Variants in MEIKIN observed in about 807,000 individuals in gnomAD.
The protein encoded by MEIKIN is meiotic kinetochore factor.
chr5:131,836,809 C>G (rs1749817410), intron 11 of MEIKIN, among the ~76,000 whole-genome samples: 1 of 151,666 alleles, frequency 6.6e-6, no homozygotes, highest in Admixed American at 6.6e-5. Flanking sequence ...TTGTTAGATG[C>G]ATAGTTTGGG....
intron 2 of MEIKIN, 144 bp from the exon 3 acceptor site, chr5:131,944,896 C>T (rs1401113883): frequency 2.5e-6 from 1 of 397,954 alleles, no homozygotes; most frequent in Non-Finnish European, 4.4e-6. Flanking sequence ...CACCAAAACC[C>T]AAATGCAGTG....
chr5:131,812,931 A>G (rs1233729394), intron 12 of MEIKIN, among the ~76,000 whole-genome samples: 1 of 152,250 alleles, frequency 6.6e-6, no homozygotes, highest in Non-Finnish European at 1.5e-5. Flanking sequence ...AGTAGCAACT[A>G]AGCACTTAAT....
At chr5:131,884,887 TGGCAGTATTCCCCATG>T (rs1750752385) in intron 8 of MEIKIN, among the ~76,000 whole-genome samples, 1 of 152,098 alleles carries the variant, frequency 6.6e-6, no homozygotes, top group Non-Finnish European at 1.5e-5. Context: ...GTGGGTACCC[TGGCAGTATTCCCCATG>T]GGCCTGTGGT....
At chr5:131,874,386 G>C (rs535503119) in intron 9 of MEIKIN, among the ~76,000 whole-genome samples, 113 of 152,316 alleles carry the variant, frequency 7.4e-4, no homozygotes, top group Middle Eastern at 3.4e-3. Context: ...AAATAAACTA[G>C]AAAATCTAGA....
chr5:131,941,660 T>C (rs1398396112), intron 4 of MEIKIN, among the ~76,000 whole-genome samples: 1 of 152,222 alleles, frequency 6.6e-6, no homozygotes, highest in Non-Finnish European at 1.5e-5. Context: ...TATACCAATA[T>C]GTAGATGGCT....
At chr5:131,904,154 C>A (rs190180067) in intron 8 of MEIKIN, among the ~76,000 whole-genome samples, 24 of 152,208 alleles carry the variant, frequency 1.6e-4, no homozygotes, top group Non-Finnish European at 2.6e-4. Flanking sequence ...AACACAGGAG[C>A]ACCCAGATTC....
intron 8 of MEIKIN, among the ~76,000 whole-genome samples, chr5:131,885,267 C>G (rs1409628378): frequency 6.6e-6 from 1 of 151,694 alleles, no homozygotes; most frequent in Non-Finnish European, 1.5e-5. Flanking sequence ...CAAGCACAGT[C>G]CCAGTATTGG....
At chr5:131,831,723 T>G (rs1299935932) in intron 11 of MEIKIN, among the ~76,000 whole-genome samples, 4 of 152,148 alleles carry the variant, frequency 2.6e-5, no homozygotes, top group Non-Finnish European at 5.9e-5. Context: ...TTAACTGGAC[T>G]TACAGTGCCA....
chr5:131,942,611 G>A (rs1363404528), intron 4 of MEIKIN, 24 bp downstream of exon 4: 3 of 398,090 alleles, frequency 7.5e-6, no homozygotes, highest in South Asian at 1.3e-4. Context: ...GAAAGCTGAG[G>A]GAGTTCACAT....
intron 10 of MEIKIN, among the ~76,000 whole-genome samples, chr5:131,852,778 T>C (rs1480311290): frequency 1.3e-5 from 2 of 152,196 alleles, no homozygotes; most frequent in Admixed American, 1.3e-4. Context: ...CTGAATTATA[T>C]ACTTTAGTAT....
intron 11 of MEIKIN, among the ~76,000 whole-genome samples, chr5:131,836,340 C>T (rs1749806959): frequency 6.6e-6 from 1 of 152,244 alleles, no homozygotes; most frequent in East Asian, 1.9e-4. Flanking sequence ...CTATTGTGAA[C>T]AGTGCTGCAA....
chr5:131,835,885 G>C (rs1749797577), intron 11 of MEIKIN, among the ~76,000 whole-genome samples: 1 of 152,164 alleles, frequency 6.6e-6, no homozygotes. Flanking sequence ...GAGCCACCAT[G>C]CCCAGCCATG....
intron 4 of MEIKIN, among the ~76,000 whole-genome samples, chr5:131,941,708 C>T (rs779054384): frequency 6.6e-6 from 1 of 152,196 alleles, no homozygotes; most frequent in Non-Finnish European, 1.5e-5. Context: ...ATCCAACTAT[C>T]TGGTTGATAT....
chr5:131,913,768 A>C (rs1157098963), intron 7 of MEIKIN, among the ~76,000 whole-genome samples: 1 of 152,148 alleles, frequency 6.6e-6, no homozygotes, highest in Non-Finnish European at 1.5e-5. Context: ...CACTGTCCAA[A>C]CTCTAAGACA....
At chr5:131,944,503 T>G in intron 3 of MEIKIN, 162 bp downstream of exon 3, 1 of 393,004 alleles carries the variant, frequency 2.5e-6, no homozygotes, top group Non-Finnish European at 4.5e-6. Context: ...AGTCAGAAAT[T>G]CAAGGCCCTG....
chr5:131,853,742 A>G (rs1004220130), intron 10 of MEIKIN, among the ~76,000 whole-genome samples: 1 of 152,224 alleles, frequency 6.6e-6, no homozygotes, highest in Non-Finnish European at 1.5e-5. Context: ...AACACATTAA[A>G]AGATGCTCAG....
intron 8 of MEIKIN, among the ~76,000 whole-genome samples, chr5:131,885,518 G>C (rs1296264730): frequency 6.6e-6 from 1 of 152,130 alleles, no homozygotes; most frequent in South Asian, 2.1e-4. Flanking sequence ...TCTTATCTAA[G>C]ACCACCAAGG....
chr5:131,833,323 C>T (rs1031382596), intron 11 of MEIKIN, among the ~76,000 whole-genome samples: 4 of 152,158 alleles, frequency 2.6e-5, no homozygotes, highest in African/African-American at 9.7e-5. Context: ...GCTCTAGTTC[C>T]CAACAAGTTC....
At chr5:131,825,232 A>C (rs1307349578) in intron 11 of MEIKIN, among the ~76,000 whole-genome samples, 1 of 152,094 alleles carries the variant, frequency 6.6e-6, no homozygotes, top group African/African-American at 2.4e-5. Context: ...ACTTATGTAC[A>C]CATTCCAGTA....
Sources: gnomAD v4.1 joint callset for allele counts (sites outside exome capture counted in the v4.1 genomes callset) on GRCh38, gnomAD v4.1.1 for gene constraint, MANE v1.5 for transcripts, NCBI Gene and HGNC (gene_info 2026-07-23, HGNC 2026-07-21) for gene names.